The following AGBL1 variants were observed in gnomAD, a reference collection of about 807,000 sequenced individuals.
The protein encoded by AGBL1 is cytosolic carboxypeptidase 4.
In AGBL1, 130 loss-of-function variants were observed where a neutral mutation model predicts 118.9. That is an observed-to-expected ratio of 1.09 (90% CI 0.95 to 1.26). AGBL1 has a LOEUF of 1.26. Ranked by LOEUF, AGBL1 falls within the 50% of genes most tolerant of loss-of-function variation. AGBL1 has a pLI of 0.00. For missense variants in AGBL1, 1,584 were observed against 1,298.1 expected, an observed-to-expected ratio of 1.22 and a Z score of -3.38; for synonymous variants, 555 against 478.9, an observed-to-expected ratio of 1.16 and a Z score of -2.08.
chr15:86,940,663 C>A (rs1317197654), intron 23 of AGBL1, among the ~76,000 whole-genome samples: 1 of 152,160 alleles, frequency 6.6e-6, no homozygotes, highest in East Asian at 1.9e-4. Context: ...CAAACCAAAA[C>A]TGAGTTATCC....
intron 21 of AGBL1, among the ~76,000 whole-genome samples, chr15:86,560,546 A>G (rs904921566): frequency 1.3e-5 from 2 of 152,126 alleles, no homozygotes; most frequent in Non-Finnish European, 2.9e-5. Flanking sequence ...TCATTGATGG[A>G]CATTTGGGTT....
rs1009035657 is a variant in AGBL1, at chr15:86,267,183, A to G, written c.1838+107A>G. On this transcript the variant is annotated intron_variant, in intron 13 of 22. Transcript: ENST00000614907. ...AGTGACCTTGCATTGGTGGCTTGAA[A>G]TCAGCCATGGTGGGAATATTTATAT... The G allele has an allele frequency of 3.8e-5, 32 of 847,358 alleles. No individual in the cohort carries two copies. In the African/African-American group the frequency reaches 5.2e-4, roughly 14 times the overall value. The allele number at this position is 847,358 out of a possible 1,614,324, so 52.5% of individuals were successfully genotyped here.
chr15:86,577,481 T>C (rs558385956), intron 21 of AGBL1, among the ~76,000 whole-genome samples: 1 of 152,174 alleles, frequency 6.6e-6, no homozygotes, highest in Non-Finnish European at 1.5e-5. Context: ...GAAAATCTTA[T>C]TTTCTGAGGT....
At chr15:86,627,242 C>T (rs112290705) in intron 21 of AGBL1, among the ~76,000 whole-genome samples, 2,231 of 152,236 alleles carry the variant, frequency 0.015, 48 homozygotes, top group African/African-American at 0.045. Context: ...TCAGGTGATT[C>T]GCCCACCTCA....
chr15:86,840,803 C>T (rs1027649321), intron 22 of AGBL1, among the ~76,000 whole-genome samples: 1 of 152,110 alleles, frequency 6.6e-6, no homozygotes, highest in Non-Finnish European at 1.5e-5. Context: ...TTATCTCTTG[C>T]TTCCTCTTTT....
intron 23 of AGBL1, among the ~76,000 whole-genome samples, chr15:86,957,048 T>G (rs903998802): frequency 6.6e-6 from 1 of 151,846 alleles, no homozygotes; most frequent in African/African-American, 2.4e-5. Flanking sequence ...ACATTAGAGG[T>G]GTTATACATG....
intron 22 of AGBL1, among the ~76,000 whole-genome samples, chr15:86,752,578 A>T (rs185042347): frequency 8.0e-4 from 121 of 152,178 alleles, no homozygotes; most frequent in African/African-American, 2.7e-3. Flanking sequence ...ACAGGAACTC[A>T]GCCCTGTTTC....
At position 86,906,013 on chromosome 15, in the gene AGBL1, A is replaced by G. The variant is rs558280565; in HGVS notation, c.3159-1074A>G. Among the ~76,000 whole-genome samples, 149 of 152,340 alleles carry G rather than the reference A, an allele frequency of 9.8e-4. 1 individual carries two copies. The highest frequency in any genetic ancestry group is 3.4e-3 in the African/African-American group (143 of 41,576). On this transcript the variant is annotated intron_variant, in intron 22 of 22. Coordinates refer to ENST00000614907, the MANE Select transcript of AGBL1 (RefSeq NM_001386094.1). The stretch of plus-strand genomic sequence containing the variant: ...GGAGAGCACAGAAGCAGCTCACATC[A>G]GTCAGCAGACAATTAAGACACTGGC...
rs182158202 is a variant in AGBL1, at chr15:86,546,441, G to A, written c.2817+308G>A. 7.9e-5 allele frequency among the ~76,000 whole-genome samples: 12 copies of A among 152,098 alleles called. No homozygotes were observed. In the East Asian group the frequency reaches 1.4e-3, roughly 17 times the overall value. On this transcript the variant is annotated intron_variant, in intron 20 of 22. Transcript: ENST00000614907. Reference sequence around the variant, plus strand: ...TTAATACCTGGCTTTACAATTATTCGATTATTAACTGTGTGATTATGAGGT... The same window carrying A: ...TTAATACCTGGCTTTACAATTATTCAATTATTAACTGTGTGATTATGAGGT...
intron 22 of AGBL1, among the ~76,000 whole-genome samples, chr15:86,861,674 T>C (rs543695225): frequency 6.6e-6 from 1 of 152,384 alleles, no homozygotes; most frequent in Admixed American, 6.5e-5. Flanking sequence ...TAATATGTGC[T>C]GGCATATAGT....
Position 86,117,630 on chromosome 15 carries a change from C to T in AGBL1, c.52-24374C>T, listed in dbSNP as rs568765556. Among the ~76,000 whole-genome samples the T allele has an allele frequency of 2.6e-5, 4 of 152,340 alleles. No homozygotes were observed. The East Asian group carries it at 7.7e-4, about 29-fold the overall frequency. Reference sequence around the variant, plus strand: ...GCAATGTATAATGTGCAATGATTAACACTTCACGTGTGCACAAGAGGTATT... The same window carrying T: ...GCAATGTATAATGTGCAATGATTAATACTTCACGTGTGCACAAGAGGTATT... On this transcript the variant is annotated intron_variant, in intron 1 of 22. Transcript: ENST00000614907.
At chr15:86,166,049 C>G (rs1284137866) in intron 5 of AGBL1, among the ~76,000 whole-genome samples, 2 of 152,088 alleles carry the variant, frequency 1.3e-5, no homozygotes, top group African/African-American at 4.8e-5. Flanking sequence ...ATCTAAAGTT[C>G]GAAGGTCTTA....
In AGBL1 at chr15:86,312,203, G is replaced by A. The variant is rs534461697; in HGVS notation, c.2374+16795G>A. 2.0e-5 allele frequency: 3 copies of A among 152,276 alleles called. No individual in the cohort carries two copies. In the East Asian group the frequency reaches 5.8e-4, roughly 29 times the overall value. 9.4% of individuals were successfully genotyped at this position (152,276 alleles called of 1,614,324 possible). A position where few individuals can be genotyped will look rare whatever the true frequency, so the allele number is the denominator to read the frequency against. ...ACCACTTCTTTCTTCTTGAAAGCAG[G>A]GATTGGATTCAGTAGAGGAAAACCG... is the stretch of plus-strand genomic sequence containing the variant. On this transcript the variant is annotated intron_variant, in intron 17 of 22. Transcript: ENST00000614907.
At chr15:86,395,993 T>C (rs2141988229) in intron 17 of AGBL1, among the ~76,000 whole-genome samples, 1 of 151,966 alleles carries the variant, frequency 6.6e-6, no homozygotes, top group African/African-American at 2.4e-5. Context: ...ATCATGTTTG[T>C]CTTTCCGTGT....
chr15:86,712,790 T>A (rs1213122969), intron 22 of AGBL1, among the ~76,000 whole-genome samples: 1 of 152,158 alleles, frequency 6.6e-6, no homozygotes, highest in Admixed American at 6.5e-5. Flanking sequence ...GGAGTCTGTT[T>A]CCAGGAACTA....
chr15:86,140,527 T>C (rs898487777), intron 1 of AGBL1, among the ~76,000 whole-genome samples: 2 of 152,212 alleles, frequency 1.3e-5, no homozygotes, highest in East Asian at 1.9e-4. Context: ...CAAAACTTGA[T>C]TTCTTCTTTA....
intron 22 of AGBL1, among the ~76,000 whole-genome samples, chr15:86,888,079 A>G (rs1215587354): frequency 1.3e-5 from 2 of 152,316 alleles, no homozygotes; most frequent in East Asian, 1.9e-4. Context: ...TTGCGGGAGC[A>G]TCAAGGCTTG....
At chr15:86,262,277 C>G (rs1270205422) in intron 9 of AGBL1, among the ~76,000 whole-genome samples, 1 of 151,818 alleles carries the variant, frequency 6.6e-6, no homozygotes, top group Non-Finnish European at 1.5e-5. Context: ...TTTTTCTTCT[C>G]TCGCTAAAAG....
chr15:86,698,888 G>T (rs547025220), intron 22 of AGBL1, among the ~76,000 whole-genome samples: 6 of 151,946 alleles, frequency 3.9e-5, no homozygotes, highest in African/African-American at 1.4e-4. Context: ...GAAAAATAAA[G>T]ATTTATTCAA....
Sources: allele counts gnomAD v4.1 joint callset (sites outside exome capture counted in the v4.1 genomes callset), GRCh38; gene constraint gnomAD v4.1.1; transcripts MANE v1.5; gene names NCBI Gene and HGNC (gene_info 2026-07-23, HGNC 2026-07-21).